The following SLC35F4 variants were observed in gnomAD, a reference collection of about 807,000 sequenced individuals.
SLC35F4 encodes the protein chromosome 14 open reading frame 36.
A neutral mutation model predicts 44.2 loss-of-function variants in SLC35F4; 24 were observed. The observed-to-expected ratio is 0.54, with a 90% confidence interval of 0.39 to 0.76. SLC35F4 has a LOEUF of 0.76. Among genes scored for constraint, SLC35F4 ranks in the 30% least tolerant of loss-of-function variants. The pLI, the probability that SLC35F4 is intolerant of heterozygous loss-of-function variation, is 0.00. For synonymous variants in SLC35F4, 238 were observed against 223.6 expected, an observed-to-expected ratio of 1.06 and a Z score of -0.57; for missense variants, 562 against 586.1, an observed-to-expected ratio of 0.96 and a Z score of 0.42.
At chr14:57,596,076 G>T (rs555068162) in intron 1 of SLC35F4, 8 of 152,270 alleles carry the variant, frequency 5.3e-5, no homozygotes, top group Non-Finnish European at 1.2e-4. Context: ...GTAACACAAA[G>T]AAATGATAAA....
chr14:57,635,446 A>G (rs990744043), intron 1 of SLC35F4, among the ~76,000 whole-genome samples: 1 of 152,030 alleles, frequency 6.6e-6, no homozygotes, highest in Admixed American at 6.6e-5. Context: ...GGGATGTCAA[A>G]AAGGCCATTA....
intron 1 of SLC35F4, among the ~76,000 whole-genome samples, chr14:57,610,017 G>A (rs1566679086): frequency 6.6e-6 from 1 of 152,204 alleles, no homozygotes; most frequent in Non-Finnish European, 1.5e-5. Context: ...GGGAAACTTT[G>A]ACCCACACAT....
chr14:57,585,216 C>T (rs1174926948), intron 3 of SLC35F4, among the ~76,000 whole-genome samples: 2 of 151,912 alleles, frequency 1.3e-5, no homozygotes, highest in Non-Finnish European at 2.9e-5. Context: ...GCCTATAATC[C>T]CAGCACTTTG....
At chr14:57,881,628 T>C (rs535850652) in intron 1 of SLC35F4, among the ~76,000 whole-genome samples, 1 of 152,324 alleles carries the variant, frequency 6.6e-6, no homozygotes, top group South Asian at 2.1e-4. Flanking sequence ...ACAAATATTA[T>C]TTCCCTTCCC....
intron 5 of SLC35F4, among the ~76,000 whole-genome samples, chr14:57,570,456 T>A (rs544183989): frequency 6.6e-6 from 1 of 152,340 alleles, no homozygotes; most frequent in Non-Finnish European, 1.5e-5. Flanking sequence ...ATAAGCAGTT[T>A]TCTTTGTGAG....
chr14:57,756,426 A>C (rs2076995132), intron 1 of SLC35F4, among the ~76,000 whole-genome samples: 1 of 152,156 alleles, frequency 6.6e-6, no homozygotes, highest in Non-Finnish European at 1.5e-5. Flanking sequence ...ATTTAATTCC[A>C]ATGGAAGCAG....
chr14:57,902,482 G>A (rs190375292), intron 1 of SLC35F4, among the ~76,000 whole-genome samples: 206 of 151,650 alleles, frequency 1.4e-3, no homozygotes, highest in African/African-American at 4.7e-3. Context: ...AGAATTGATT[G>A]AACCTGGGAG....
rs137959233 is a variant in SLC35F4 at position 57,701,641 on chromosome 14, C to T, written c.104-107517G>A. The stretch of plus-strand genomic sequence containing the variant: ...CAGCTCCACTATAATTTCACGGGAC[C>T]ACTGTTGCGTATGTGGTCAGTCATT... On this transcript the variant is annotated intron_variant, in intron 1 of 7. Coordinates refer to ENST00000556826, the MANE Select transcript of SLC35F4 (RefSeq NM_001306087.2). Among the ~76,000 whole-genome samples the T allele has an allele frequency of 2.9e-3, 434 of 152,256 alleles. 1 individual carries two copies. The highest frequency in any genetic ancestry group is 4.7e-3 in the Non-Finnish European group (323 of 68,032).
At chr14:57,856,187 G>C (rs112351228) in intron 1 of SLC35F4, among the ~76,000 whole-genome samples, 2 of 151,882 alleles carry the variant, frequency 1.3e-5, no homozygotes, top group Non-Finnish European at 2.9e-5. Flanking sequence ...GTCAGGGGGT[G>C]GGGGAGCTAG....
chr14:57,775,178 T>C (rs1369140660), intron 1 of SLC35F4, among the ~76,000 whole-genome samples: 2 of 152,204 alleles, frequency 1.3e-5, no homozygotes, highest in Admixed American at 1.3e-4. Context: ...GTGCACACAG[T>C]AGCAGGCGGG....
At chr14:57,693,984 T>G (rs2075307554) in intron 1 of SLC35F4, among the ~76,000 whole-genome samples, 1 of 152,200 alleles carries the variant, frequency 6.6e-6, no homozygotes, top group African/African-American at 2.4e-5. Context: ...TTCACCCAGT[T>G]CAACTCCTTC....
chr14:57,742,519 G>A (rs549075795), intron 1 of SLC35F4, among the ~76,000 whole-genome samples: 38 of 152,252 alleles, frequency 2.5e-4, no homozygotes, highest in Admixed American at 1.7e-3. Flanking sequence ...AACAAGAAGA[G>A]CTAACTATCC....
At chr14:57,925,898 C>A (rs1384677964) in intron 1 of SLC35F4, among the ~76,000 whole-genome samples, 1 of 152,202 alleles carries the variant, frequency 6.6e-6, no homozygotes, top group South Asian at 2.1e-4. Context: ...TCATGTGCCA[C>A]TTCCTGGGCA....
In SLC35F4 at chr14:57,871,487, T is replaced by C. The variant is rs925442190; in HGVS notation, n.282+110426A>G. ...ACATTCAAACCTGCTACATATTCATTTTACAAATAAGCCTTTCTGTAATTT... is the reference window on the plus strand; with the variant it reads ...ACATTCAAACCTGCTACATATTCATCTTACAAATAAGCCTTTCTGTAATTT... On this transcript the variant is annotated intron_variant and non_coding_transcript_variant, in intron 1 of 1. Transcript: ENST00000556568. Among the ~76,000 whole-genome samples the C allele has an allele frequency of 3.3e-5, 5 of 152,204 alleles. No homozygotes were observed. The East Asian group carries it at 9.6e-4, about 29-fold the overall frequency.
chr14:57,964,991 A>AAATAT (rs1555331532), intron 1 of SLC35F4, among the ~76,000 whole-genome samples: 4 of 115,696 alleles, frequency 3.5e-5, no homozygotes, highest in African/African-American at 1.1e-4. Context: ...AAAAAAAAAA[A>AAATAT]ATATATATAT....
chr14:57,581,146 A>T (rs2069223916), intron 4 of SLC35F4, 68 bp downstream of exon 4: 2 of 1,412,450 alleles, frequency 1.4e-6, no homozygotes, highest in Admixed American at 5.7e-5. Flanking sequence ...CAAAGCAGAC[A>T]GGCTCTCCTG....
At chr14:57,647,289 T>C (rs978174759) in intron 1 of SLC35F4, among the ~76,000 whole-genome samples, 3 of 152,090 alleles carry the variant, frequency 2.0e-5, no homozygotes, top group African/African-American at 7.2e-5. Context: ...GGACTTGCTT[T>C]ATGAATCTGG....
intron 1 of SLC35F4, among the ~76,000 whole-genome samples, chr14:57,957,884 T>TAC (rs1010035569): frequency 4.4e-4 from 67 of 151,936 alleles, no homozygotes; most frequent in African/African-American, 1.2e-3. Context: ...ATCTATGTAA[T>TAC]ACACACACAC....
chr14:57,774,169 A>C (rs1247093723), intron 1 of SLC35F4, among the ~76,000 whole-genome samples: 1 of 152,154 alleles, frequency 6.6e-6, no homozygotes, highest in African/African-American at 2.4e-5. Flanking sequence ...AGGCACTGAG[A>C]GTGAACAGAG....
Sources: allele counts gnomAD v4.1 joint callset (sites outside exome capture counted in the v4.1 genomes callset), GRCh38; gene constraint gnomAD v4.1.1; transcripts MANE v1.5; gene names NCBI Gene and HGNC (gene_info 2026-07-23, HGNC 2026-07-21).